Variants in GRIN2A observed in about 807,000 individuals in gnomAD.
GRIN2A encodes glutamate receptor ionotropic, NMDA 2A.
In GRIN2A, 22 loss-of-function variants were observed where a neutral mutation model predicts 113.4. The observed-to-expected ratio is 0.19, with a 90% confidence interval of 0.14 to 0.28. GRIN2A has a LOEUF of 0.28. GRIN2A is among the 10% of genes least tolerant of loss of function. The pLI is 1.00. For missense variants in GRIN2A, 1,502 were observed against 1,887.0 expected (o/e 0.80, Z 3.78); for synonymous variants, 827 against 738.4 (o/e 1.12, Z -1.94).
chr16:10,068,084 T>A (rs2047683112), intron 2 of GRIN2A, among the ~76,000 whole-genome samples: 1 of 152,242 alleles, frequency 6.6e-6, no homozygotes, highest in South Asian at 2.1e-4. Context: ...AGCAGCTGTT[T>A]CCATGAATGC....
intron 2 of GRIN2A, among the ~76,000 whole-genome samples, chr16:10,128,624 G>T (rs919002434): frequency 6.6e-6 from 1 of 152,190 alleles, no homozygotes; most frequent in Non-Finnish European, 1.5e-5. Context: ...ATGTGTGCCT[G>T]CTTGCTGCTC....
At chr16:9,994,038 GGAA>G (rs1291848916) in intron 2 of GRIN2A, among the ~76,000 whole-genome samples, 1 of 152,276 alleles carries the variant, frequency 6.6e-6, no homozygotes, top group East Asian at 1.9e-4. Context: ...GTGAGGCAAG[GGAA>G]GAAGAAATCC....
chr16:9,898,048 C>T (rs2043841057), intron 3 of GRIN2A, among the ~76,000 whole-genome samples: 1 of 126,764 alleles, frequency 7.9e-6, no homozygotes, highest in Admixed American at 9.1e-5. Flanking sequence ...ACTGAGCCTC[C>T]ATTTCCTTTT....
At chr16:10,169,474 G>C (rs1393791250) in intron 2 of GRIN2A, among the ~76,000 whole-genome samples, 2 of 152,198 alleles carry the variant, frequency 1.3e-5, no homozygotes, top group African/African-American at 4.8e-5. Context: ...TGACATGTAA[G>C]AGGAAGTCTA....
chr16:9,983,179 C>A (rs1019421029), intron 2 of GRIN2A, among the ~76,000 whole-genome samples: 1 of 152,152 alleles, frequency 6.6e-6, no homozygotes, highest in African/African-American at 2.4e-5. Flanking sequence ...TAACTATGGT[C>A]ATCCTACAGT....
rs2042845407 is a variant in GRIN2A, at chr16:9,849,682, T to C, written c.1328+74A>G. ...TGACATTTTGTGATTCAAGTACACA[T>C]ATTGTTACTATCGATGATCCATGCT... On this transcript the variant is annotated intron_variant, in intron 5 of 12. Transcript: ENST00000330684. The C allele has an allele frequency of 4.8e-6, 5 of 1,040,912 alleles. No individual in the cohort carries two copies. In the Admixed American group the frequency reaches 5.1e-5, roughly 11 times the overall value. The allele number at this position is 1,040,912 out of a possible 1,614,324, so 64.5% of individuals were successfully genotyped here.
At chr16:9,767,092 C>G (rs1410305725) in intron 12 of GRIN2A, among the ~76,000 whole-genome samples, 1 of 152,184 alleles carries the variant, frequency 6.6e-6, no homozygotes, top group Non-Finnish European at 1.5e-5. Flanking sequence ...ATATGAAAAG[C>G]CTTTGGTAAT....
At chr16:9,836,339 G>A (rs995527629) in intron 7 of GRIN2A, among the ~76,000 whole-genome samples, 1 of 152,204 alleles carries the variant, frequency 6.6e-6, no homozygotes. Flanking sequence ...TGAAAAGGGC[G>A]TGCTGGTTTT....
chr16:9,819,173 T>C (rs1160863767), intron 10 of GRIN2A, among the ~76,000 whole-genome samples: 3 of 152,210 alleles, frequency 2.0e-5, no homozygotes, highest in Admixed American at 6.5e-5. Flanking sequence ...CACTGTTTTT[T>C]TCTTTTTATG....
intron 2 of GRIN2A, among the ~76,000 whole-genome samples, chr16:10,059,773 G>C (rs1340176903): frequency 6.6e-6 from 1 of 151,696 alleles, no homozygotes; most frequent in Non-Finnish European, 1.5e-5. Flanking sequence ...AGAGGTAAGA[G>C]GTAAGTGAAG....
intron 3 of GRIN2A, among the ~76,000 whole-genome samples, chr16:9,894,797 C>T (rs78871398): frequency 0.016 from 2,489 of 152,278 alleles, 58 homozygotes; most frequent in African/African-American, 0.057. Context: ...CAGATCATCA[C>T]CAAAGGGAAA....
chr16:9,921,234 G>T (rs2044352440), intron 3 of GRIN2A, among the ~76,000 whole-genome samples: 2 of 152,180 alleles, frequency 1.3e-5, no homozygotes, highest in Middle Eastern at 3.2e-3. Flanking sequence ...GAAAGGTTTT[G>T]TAGTTTATAA....
intron 2 of GRIN2A, among the ~76,000 whole-genome samples, chr16:10,030,053 G>A (rs950476052): frequency 6.6e-6 from 1 of 151,910 alleles, no homozygotes; most frequent in Non-Finnish European, 1.5e-5. Flanking sequence ...CTCAATGGAG[G>A]CTGCAGCATC....
chr16:10,007,510 C>G (rs760897599), intron 2 of GRIN2A, among the ~76,000 whole-genome samples: 1 of 152,032 alleles, frequency 6.6e-6, no homozygotes, highest in Non-Finnish European at 1.5e-5. Flanking sequence ...TGTTTGAGCT[C>G]CTTAAATATT....
At chr16:9,863,695 C>G (rs866060800) in intron 4 of GRIN2A, among the ~76,000 whole-genome samples, 11 of 152,194 alleles carry the variant, frequency 7.2e-5, no homozygotes, top group Admixed American at 5.9e-4. Flanking sequence ...GGACTTCTCC[C>G]TTGCCTCTGT....
At chr16:10,166,870 C>T (rs964147469) in intron 2 of GRIN2A, among the ~76,000 whole-genome samples, 1 of 152,158 alleles carries the variant, frequency 6.6e-6, no homozygotes, top group African/African-American at 2.4e-5. Context: ...TTATGATGAC[C>T]CACATCCACT....
chr16:10,028,085 C>T (rs2046855772), intron 2 of GRIN2A, among the ~76,000 whole-genome samples: 1 of 152,172 alleles, frequency 6.6e-6, no homozygotes, highest in South Asian at 2.1e-4. Context: ...CCGACATCAT[C>T]CTTGATCAGT....
At chr16:9,766,528 C>G (rs1161680419) in intron 12 of GRIN2A, among the ~76,000 whole-genome samples, 2 of 152,176 alleles carry the variant, frequency 1.3e-5, no homozygotes, top group African/African-American at 2.4e-5. Context: ...ACATCCTTTC[C>G]TGCATTCCTG....
At chr16:9,784,818 C>T (rs1352709635) in intron 11 of GRIN2A, among the ~76,000 whole-genome samples, 7 of 133,540 alleles carry the variant, frequency 5.2e-5, no homozygotes, top group Non-Finnish European at 1.1e-4. Flanking sequence ...GACATTTATG[C>T]AGTCAAAAGA....
Sources: gnomAD v4.1 joint callset for allele counts (sites outside exome capture counted in the v4.1 genomes callset) on GRCh38, gnomAD v4.1.1 for gene constraint, MANE v1.5 for transcripts, NCBI Gene and HGNC (gene_info 2026-07-23, HGNC 2026-07-21) for gene names.